The following RBM26 variants were observed in gnomAD, a reference collection of about 807,000 sequenced individuals.
RBM26 encodes RNA-binding protein 26.
In RBM26, 30 loss-of-function variants were observed where a neutral mutation model predicts 123.6. That is an observed-to-expected ratio of 0.24 (90% CI 0.18 to 0.33). The LOEUF (loss-of-function observed/expected upper bound fraction) is 0.33. Among genes scored for constraint, RBM26 ranks in the 10% least tolerant of loss-of-function variants. The pLI is 1.00. For missense variants in RBM26, 947 were observed against 1,203.6 expected (o/e 0.79, Z 3.15); for synonymous variants, 400 against 404.4 (o/e 0.99, Z 0.13).
intron 1 of RBM26, among the ~76,000 whole-genome samples, chr13:79,401,552 C>T (rs2079054314): frequency 6.6e-6 from 1 of 152,132 alleles, no homozygotes; most frequent in African/African-American, 2.4e-5. Flanking sequence ...TACAATAATA[C>T]AAAATGTTTA....
At position 79,385,651 on chromosome 13, in the gene RBM26, G is replaced by C. The variant is rs866790867; in HGVS notation, c.72-6744C>G. 7.2e-5 allele frequency among the ~76,000 whole-genome samples: 11 copies of C among 152,112 alleles called. No homozygotes were observed. The South Asian group carries it at 1.7e-3, about 23-fold the overall frequency. On this transcript the variant is annotated intron_variant, in intron 1 of 21. Coordinates refer to ENST00000438737, the MANE Select transcript of RBM26 (RefSeq NM_001366735.2). ...AAAGAGTTATATCAATATTTATCAA[G>C]AATTAAAATTGAGAAAAAATTTAGT... is the stretch of plus-strand genomic sequence containing the variant.
intron 14 of RBM26, among the ~76,000 whole-genome samples, chr13:79,345,666 A>G (rs1407297696): frequency 6.6e-6 from 1 of 152,132 alleles, no homozygotes; most frequent in African/African-American, 2.4e-5. Flanking sequence ...GATGGTGTCT[A>G]AAGTCCTTAC....
chr13:79,339,563 GTAA>G (rs1160328425), intron 18 of RBM26, among the ~76,000 whole-genome samples: 2 of 151,958 alleles, frequency 1.3e-5, no homozygotes, highest in Admixed American at 6.6e-5. Context: ...AAAATAACAC[GTAA>G]TAATAAATTT....
At chr13:79,348,982 C>T (rs1266523055) in intron 14 of RBM26, among the ~76,000 whole-genome samples, 2 of 152,068 alleles carry the variant, frequency 1.3e-5, no homozygotes, top group Non-Finnish European at 2.9e-5. Flanking sequence ...TATGATGGGG[C>T]TATATCCATT....
intron 1 of RBM26, among the ~76,000 whole-genome samples, chr13:79,400,905 A>G (rs1444077554): frequency 6.6e-6 from 1 of 152,200 alleles, no homozygotes; most frequent in Admixed American, 6.5e-5. Flanking sequence ...GCAAATTAAC[A>G]AAAAATTAAA....
chr13:79,322,301 A>C (rs755207942), intron 21 of RBM26, 48 bp downstream of exon 21: 14 of 1,190,322 alleles, frequency 1.2e-5, no homozygotes, highest in African/African-American at 6.4e-5. Context: ...TTTATATAAA[A>C]GCTATGAACG....
chr13:79,314,882 G>A, downstream of RBM26: 1 of 745,258 alleles, frequency 1.3e-6, no homozygotes, highest in Non-Finnish European at 2.0e-6. Context: ...AATTGATAAA[G>A]AGTGAACATA....
chr13:79,362,857 AG>A (rs2074861966), intron 9 of RBM26, among the ~76,000 whole-genome samples: 1 of 152,188 alleles, frequency 6.6e-6, no homozygotes, highest in Non-Finnish European at 1.5e-5. Context: ...ATTTAAAAGA[AG>A]GGTATTAAAA....
At chr13:79,314,058 G>C (rs2066979712), downstream of RBM26, 2 of 151,584 alleles carry the variant, frequency 1.3e-5, no homozygotes, top group Admixed American at 1.3e-4. Flanking sequence ...ATTTCTTATA[G>C]TCCCATTATA....
At chr13:79,360,482 T>C (rs2074542885) in intron 9 of RBM26, among the ~76,000 whole-genome samples, 1 of 149,442 alleles carries the variant, frequency 6.7e-6, no homozygotes, top group African/African-American at 2.5e-5. Flanking sequence ...ACCATCACCC[T>C]CACCACAAAT....
chr13:79,320,401 G>A lies in RBM26; in HGVS notation c.*220C>T. On this transcript the variant is annotated 3_prime_UTR_variant, in exon 22 of 22. Transcript: ENST00000438737. ...AATAAAAACATTGCATATGTTTCTA[G>A]TGTGATGTCTTTAGCAATTGTTTAC... The A allele has an allele frequency of 8.4e-7, 1 of 1,184,776 alleles. No individual in the cohort carries two copies. Among genetic ancestry groups the A allele is most frequent in the Non-Finnish European group, 1.0e-6 (1 of 954,556 alleles). The allele number at this position is 1,184,776 out of a possible 1,614,324, so 73.4% of individuals were successfully genotyped here. A position where few individuals can be genotyped will look rare whatever the true frequency, so the allele number is the denominator to read the frequency against.
At position 79,319,910 on chromosome 13, in the gene RBM26, CTTTTCTTTTTTT is replaced by C. The variant is rs571764564; in HGVS notation, c.*699_*710del. ...TTTTAATTTTTTTCTTTTCTTTTTT[CTTTTCTTTTTTT>C]TTTTAAATCAAGGAACATTGTCTTG... is the stretch of plus-strand genomic sequence containing the variant. On this transcript the variant is annotated 3_prime_UTR_variant, in exon 22 of 22. Transcript: ENST00000438737. 1.7e-4 allele frequency: 115 copies of C among 690,140 alleles called. 1 individual carries two copies. The South Asian group carries it at 2.2e-3, about 13-fold the overall frequency. The allele number at this position is 690,140 out of a possible 1,614,324, so 42.8% of individuals were successfully genotyped here.
At chr13:79,333,247 G>C (rs1234272163) in intron 20 of RBM26, among the ~76,000 whole-genome samples, 1 of 152,070 alleles carries the variant, frequency 6.6e-6, no homozygotes, top group East Asian at 1.9e-4. Flanking sequence ...TTAAAGAAAT[G>C]ATTATTCAAA....
rs1413353708 is a variant in RBM26 at position 79,354,469 on chromosome 13, T to C, written c.1956A>G (p.Glu652=). The change falls in exon 13 of 22, where the codon GAA becomes GAG. Residue 652 remains glutamate, a synonymous_variant. Transcript: ENST00000438737. Reference sequence around the variant, plus strand: ...GAAGGTCTGAAGAGGCACTCTGGGCTTCTGCAGGTTCAATAGTACTTGAAG... The same window carrying C: ...GAAGGTCTGAAGAGGCACTCTGGGCCTCTGCAGGTTCAATAGTACTTGAAG... ...PVPSSTIEPA[E]AQSASSDLPQ... 5 of 1,599,684 alleles carry C rather than the reference T, an allele frequency of 3.1e-6. No homozygotes were observed. Among genetic ancestry groups the C allele is most frequent in the Non-Finnish European group, 4.3e-6 (5 of 1,170,452 alleles).
At chr13:79,369,314 T>C (rs1414129130) in intron 5 of RBM26, among the ~76,000 whole-genome samples, 6 of 152,140 alleles carry the variant, frequency 3.9e-5, no homozygotes, top group Non-Finnish European at 7.4e-5. Context: ...AAACAAAACA[T>C]GCAATAAAGT....
chr13:79,356,176 A>G (rs1044894161), intron 11 of RBM26, among the ~76,000 whole-genome samples: 7 of 152,166 alleles, frequency 4.6e-5, no homozygotes, highest in African/African-American at 7.2e-5. Context: ...CAGCCTGGAC[A>G]ACATATTAAG....
intron 9 of RBM26, among the ~76,000 whole-genome samples, chr13:79,365,153 G>A (rs1225757157): frequency 2.0e-5 from 3 of 151,970 alleles, no homozygotes; most frequent in African/African-American, 7.2e-5. Flanking sequence ...AAACAAAATC[G>A]CCATCCCAGC....
intron 14 of RBM26, among the ~76,000 whole-genome samples, chr13:79,351,155 A>C (rs1278596795): frequency 6.6e-6 from 1 of 152,180 alleles, no homozygotes; most frequent in Non-Finnish European, 1.5e-5. Flanking sequence ...ATTTTATAAA[A>C]GCTATGAGTA....
At chr13:79,329,381 C>T (rs912205875) in intron 20 of RBM26, among the ~76,000 whole-genome samples, 1 of 151,476 alleles carries the variant, frequency 6.6e-6, no homozygotes, top group Non-Finnish European at 1.5e-5. Context: ...GTTCTGACAA[C>T]TGAAAAGGAT....
Sources: allele counts gnomAD v4.1 joint callset (sites outside exome capture counted in the v4.1 genomes callset), GRCh38; gene constraint gnomAD v4.1.1; transcripts MANE v1.5; gene names NCBI Gene and HGNC (gene_info 2026-07-23, HGNC 2026-07-21).